Variants in SMCO4 observed in about 807,000 individuals in gnomAD.
SMCO4 encodes the protein single-pass membrane protein with coiled-coil domains 4, also known as single-pass membrane and coiled-coil domain-containing protein 4.
Under a neutral mutation model 3.6 loss-of-function variants are expected in SMCO4, and 4 were observed. That is an observed-to-expected ratio of 1.11 (90% confidence interval 0.54 to 2.53). SMCO4 has a LOEUF of 2.53. SMCO4 is among the 30% of genes most tolerant of loss of function. The pLI is 0.02. For missense variants in SMCO4, 70 were observed against 80.8 expected (o/e 0.87, Z 0.51); for synonymous variants, 36 against 35.3 (o/e 1.02, Z -0.07).
At chr11:93,540,397 C>A (rs1949262220) in intron 1 of SMCO4, among the ~76,000 whole-genome samples, 2 of 152,154 alleles carry the variant, frequency 1.3e-5, no homozygotes, top group Non-Finnish European at 2.9e-5. Context: ...AGTATTTACA[C>A]CCAGGCCTGC....
At chr11:93,506,750 C>A (rs1178111231) in intron 1 of SMCO4, among the ~76,000 whole-genome samples, 1 of 152,244 alleles carries the variant, frequency 6.6e-6, no homozygotes, top group East Asian at 1.9e-4. Flanking sequence ...CTTAGCTAAG[C>A]GTGTCCTTGA....
chr11:93,498,779 G>A (rs981960780), intron 2 of SMCO4, among the ~76,000 whole-genome samples: 35 of 152,146 alleles, frequency 2.3e-4, no homozygotes, highest in African/African-American at 8.2e-4. Context: ...TACAATGTGG[G>A]TCCACACAGG....
At chr11:93,536,847 A>G (rs530941804) in intron 1 of SMCO4, among the ~76,000 whole-genome samples, 1 of 152,372 alleles carries the variant, frequency 6.6e-6, no homozygotes, top group Admixed American at 6.5e-5. Context: ...ACTTATGCTG[A>G]TGTGAAATTG....
rs1475017310 is a variant in SMCO4, at chr11:93,478,668, C to T, written c.*342G>A. 4.1e-6 allele frequency: 1 copy of T among 243,904 alleles called. No homozygotes were observed. The highest frequency in any genetic ancestry group is 7.3e-6 in the Non-Finnish European group (1 of 137,812). The allele number at this position is 243,904 out of a possible 1,614,324, so 15.1% of individuals were successfully genotyped here. ...GTTTCCTGACCCAGAGGTTCCATCC[C>T]TCTTCAGGTGGAGCTACTTATCGAT... On this transcript the variant is annotated 3_prime_UTR_variant, in exon 3 of 3. Coordinates refer to ENST00000298966, the MANE Select transcript of SMCO4 (RefSeq NM_020179.3).
At chr11:93,551,225 T>G in the SMCO4 span, among the ~76,000 whole-genome samples, 1 of 152,100 alleles carries the variant, frequency 6.6e-6, no homozygotes, top group African/African-American at 2.4e-5. Flanking sequence ...AAGAACAAGG[T>G]TCTATGAGAA....
chr11:93,527,650 G>A (rs1332520132), intron 1 of SMCO4, among the ~76,000 whole-genome samples: 2 of 151,900 alleles, frequency 1.3e-5, no homozygotes, highest in African/African-American at 2.4e-5. Context: ...TTGTAGAGAT[G>A]GGGTCTCACT....
chr11:93,540,988 A>T (rs11020409), intron 1 of SMCO4, among the ~76,000 whole-genome samples: 2 of 152,348 alleles, frequency 1.3e-5, no homozygotes, highest in African/African-American at 4.8e-5. Flanking sequence ...GCTTCCAAAA[A>T]GCTGACAAAA....
At chr11:93,540,107 T>C (rs574781933) in intron 1 of SMCO4, among the ~76,000 whole-genome samples, 1 of 152,164 alleles carries the variant, frequency 6.6e-6, no homozygotes, top group Admixed American at 6.5e-5. Context: ...GGAATATTCA[T>C]TGCGCGTGCT....
chr11:93,535,632 G>A, intron 1 of SMCO4: 1 of 1,588,708 alleles, frequency 6.3e-7, no homozygotes, highest in South Asian at 1.1e-5. Flanking sequence ...CAGACAACAA[G>A]TGTCTGTTAA....
At chr11:93,486,499 C>G (rs1193738075) in intron 2 of SMCO4, among the ~76,000 whole-genome samples, 1 of 152,210 alleles carries the variant, frequency 6.6e-6, no homozygotes, top group Non-Finnish European at 1.5e-5. Context: ...TACAATCAGG[C>G]TAGCCCTGAT....
chr11:93,551,195 T>C, the SMCO4 span, among the ~76,000 whole-genome samples: 2 of 28,692 alleles, frequency 7.0e-5, no homozygotes, highest in African/African-American at 2.3e-4. Flanking sequence ...TTACAAATGA[T>C]GTTAAGCGTG....
chr11:93,521,026 T>C (rs1051077823), intron 1 of SMCO4, among the ~76,000 whole-genome samples: 11 of 152,230 alleles, frequency 7.2e-5, no homozygotes, highest in Non-Finnish European at 1.2e-4. Context: ...TAGGAAACTG[T>C]TGTTTTTGAT....
chr11:93,493,885 T>TG (rs1386740370), intron 2 of SMCO4, among the ~76,000 whole-genome samples: 7 of 152,164 alleles, frequency 4.6e-5, no homozygotes, highest in African/African-American at 1.7e-4. Flanking sequence ...GCCAGAAGTC[T>TG]GGGGATCTCC....
intron 1 of SMCO4, among the ~76,000 whole-genome samples, chr11:93,533,686 A>G (rs987862036): frequency 1.6e-4 from 24 of 152,118 alleles, no homozygotes; most frequent in African/African-American, 5.8e-4. Context: ...TGCAGGAGCA[A>G]TGGTATTGGA....
At chr11:93,497,336 T>A (rs1948786443) in intron 2 of SMCO4, among the ~76,000 whole-genome samples, 1 of 152,226 alleles carries the variant, frequency 6.6e-6, no homozygotes, top group African/African-American at 2.4e-5. Flanking sequence ...TACAGCTGAA[T>A]TAAGCTGATC....
Position 93,478,918 on chromosome 11 carries a change from G to T in SMCO4, c.*92C>A, listed in dbSNP as rs991937298. The T allele has an allele frequency of 1.4e-6, 2 of 1,479,182 alleles. No individual in the cohort carries two copies. The highest frequency in any genetic ancestry group is 1.3e-5 in the South Asian group (1 of 74,574). 91.6% of individuals were successfully genotyped at this position (1,479,182 alleles called of 1,614,324 possible). A position where few individuals can be genotyped will look rare whatever the true frequency, so the allele number is the denominator to read the frequency against. ...GCTCCTGCTTACAGCTCAGCAACAT[G>T]AACATCTCTGAATATGAAAGCCATT... On this transcript the variant is annotated 3_prime_UTR_variant, in exon 3 of 3. Transcript: ENST00000298966.
At chr11:93,522,184 A>C (rs1949064142) in intron 1 of SMCO4, among the ~76,000 whole-genome samples, 14 of 152,184 alleles carry the variant, frequency 9.2e-5, no homozygotes, top group Admixed American at 8.5e-4. Context: ...TGTATCGCTG[A>C]ATATGTCCTC....
intron 1 of SMCO4, among the ~76,000 whole-genome samples, chr11:93,533,131 C>T (rs145598185): frequency 2.2e-4 from 33 of 152,230 alleles, no homozygotes; most frequent in African/African-American, 1.4e-4. Context: ...CTCATTTATT[C>T]GATAAATAAT....
At chr11:93,528,487 G>A (rs898725765) in intron 1 of SMCO4, among the ~76,000 whole-genome samples, 16 of 152,204 alleles carry the variant, frequency 1.1e-4, no homozygotes, top group Admixed American at 8.5e-4. Flanking sequence ...GAACTCTGGG[G>A]GTCTGGCCAG....
Sources: gnomAD v4.1 joint callset for allele counts (sites outside exome capture counted in the v4.1 genomes callset) on GRCh38, gnomAD v4.1.1 for gene constraint, MANE v1.5 for transcripts, NCBI Gene and HGNC (gene_info 2026-07-23, HGNC 2026-07-21) for gene names.